Variants in TMED3 observed in about 807,000 individuals in gnomAD.
TMED3 encodes transmembrane emp24 domain-containing protein 3.
In TMED3, 9 loss-of-function variants were observed where a neutral mutation model predicts 15.0. The ratio of observed to expected loss-of-function variants is 0.60; its 90% CI spans 0.36 to 1.04. The LOEUF (loss-of-function observed/expected upper bound fraction) is 1.04. TMED3 is among the 50% of genes least tolerant of loss of function. The pLI is 0.01. For synonymous variants in TMED3, 117 were observed against 121.4 expected, an observed-to-expected ratio of 0.96 and a Z score of 0.24; for missense variants, 267 against 278.9, an observed-to-expected ratio of 0.96 and a Z score of 0.30.
intron 2 of TMED3, among the ~76,000 whole-genome samples, chr15:79,321,425 G>A (rs1595887770): frequency 6.6e-6 from 1 of 152,340 alleles, no homozygotes; most frequent in African/African-American, 2.4e-5. Context: ...GTGTGTGCAT[G>A]TGCTTACATA....
intron 2 of TMED3, among the ~76,000 whole-genome samples, chr15:79,407,691 G>T (rs929148550): frequency 6.6e-6 from 1 of 152,198 alleles, no homozygotes; most frequent in Non-Finnish European, 1.5e-5. Context: ...GCCTAGAGCT[G>T]CTTTCAGACT....
chr15:79,376,677 C>G lies in TMED3; in HGVS notation c.418-34723C>G, dbSNP rs116672248. On this transcript the variant is annotated intron_variant, in intron 2 of 2. Coordinates refer to the TMED3 transcript ENST00000424155. ...ATTAATGTCTCTAAAATAGCATTAA[C>G]CTTTTGGCAGTCTCACTGAATTGTT... is the stretch of plus-strand genomic sequence containing the variant. 8.3e-3 allele frequency among the ~76,000 whole-genome samples: 1,265 copies of G among 152,310 alleles called. 17 individuals carry two copies. Among genetic ancestry groups the G allele is most frequent in the African/African-American group, 0.029 (1,213 of 41,564 alleles).
At chr15:79,386,927 T>C (rs1020701409) in intron 2 of TMED3, among the ~76,000 whole-genome samples, 10 of 147,888 alleles carry the variant, frequency 6.8e-5, no homozygotes, top group Middle Eastern at 3.5e-3. Context: ...CTTTTTAATC[T>C]TTTAATCTTT....
At chr15:79,400,034 G>T (rs951182590) in intron 2 of TMED3, among the ~76,000 whole-genome samples, 4 of 152,164 alleles carry the variant, frequency 2.6e-5, no homozygotes, top group Non-Finnish European at 4.4e-5. Context: ...TTGTACCGGG[G>T]ATAAAGTCTA....
intron 2 of TMED3, among the ~76,000 whole-genome samples, chr15:79,356,762 C>T (rs2058920973): frequency 6.6e-6 from 1 of 152,100 alleles, no homozygotes; most frequent in South Asian, 2.1e-4. Flanking sequence ...GGAATTTATC[C>T]CACACATCTC....
At chr15:79,359,523 C>T (rs2009771) in intron 2 of TMED3, among the ~76,000 whole-genome samples, 24 of 152,232 alleles carry the variant, frequency 1.6e-4, no homozygotes, top group African/African-American at 5.1e-4. Context: ...CCACTATACC[C>T]GGCCAATTTG....
chr15:79,322,890 C>T (rs149838342), downstream of TMED3: 13 of 985,506 alleles, frequency 1.3e-5, no homozygotes, highest in African/African-American at 1.9e-4. Context: ...CCAGAGCTTA[C>T]TGCAGAGCAT....
chr15:79,322,168 G>C lies in TMED3; in HGVS notation c.608G>C (p.Ser203Thr). ...VSFSQVLLLK[S>T]FFTEKRPISR... ...TTCAGTCAGGTGCTACTGTTGAAAA[G>C]CTTCTTCACAGAAAAACGACCCATC... The change falls in exon 3 of 3, where the codon AGC becomes ACC. Residue 203 changes from serine (S) to threonine (T), a missense_variant. This residue lies in a region of TMED3 where 139 missense variants were observed against 125.0 expected (regional missense o/e 1.11). Coordinates refer to ENST00000299705, the MANE Select transcript of TMED3 (RefSeq NM_007364.4). The C allele has an allele frequency of 6.2e-7, 1 of 1,614,188 alleles. No homozygotes were observed. Among genetic ancestry groups the C allele is most frequent in the African/African-American group, 1.3e-5 (1 of 75,056 alleles).
At chr15:79,360,258 G>A (rs1407204832) in intron 2 of TMED3, among the ~76,000 whole-genome samples, 4 of 152,112 alleles carry the variant, frequency 2.6e-5, no homozygotes, top group African/African-American at 9.7e-5. Context: ...GCTGGGTGTG[G>A]GGTGGGCTCC....
chr15:79,371,144 CT>C (rs1436543830), intron 2 of TMED3, among the ~76,000 whole-genome samples: 1 of 152,148 alleles, frequency 6.6e-6, no homozygotes, highest in African/African-American at 2.4e-5. Flanking sequence ...GTAGGCCCTA[CT>C]TCAAGAAAAC....
intron 2 of TMED3, among the ~76,000 whole-genome samples, chr15:79,373,199 T>C (rs1282253961): frequency 1.3e-5 from 2 of 152,246 alleles, no homozygotes; most frequent in Non-Finnish European, 2.9e-5. Context: ...ATAAGACCAG[T>C]CATAGGCTGT....
chr15:79,364,736 G>A (rs1460668001), intron 2 of TMED3, among the ~76,000 whole-genome samples: 2 of 151,460 alleles, frequency 1.3e-5, no homozygotes, highest in African/African-American at 4.9e-5. Context: ...TGTCAGAGAG[G>A]AGTTTGGCCA....
Position 79,395,880 on chromosome 15 carries a change from C to T in TMED3, c.418-15520C>T, listed in dbSNP as rs28380142. 1.1e-4 allele frequency among the ~76,000 whole-genome samples: 16 copies of T among 152,138 alleles called. 1 individual carries two copies. The highest frequency in any genetic ancestry group is 3.6e-4 in the African/African-American group (15 of 41,414). On this transcript the variant is annotated intron_variant, in intron 2 of 2. Coordinates refer to the TMED3 transcript ENST00000424155. Reference sequence around the variant, plus strand: ...TAATTGATACTATGGCAAATAATAACATTTTGGATGGATACTTTGACTATA... The same window carrying T: ...TAATTGATACTATGGCAAATAATAATATTTTGGATGGATACTTTGACTATA...
intron 2 of TMED3, among the ~76,000 whole-genome samples, chr15:79,341,140 G>A (rs2058849844): frequency 7.4e-6 from 1 of 136,034 alleles, no homozygotes; most frequent in African/African-American, 2.8e-5. Flanking sequence ...GCTTCAGTGA[G>A]CTGCGATCAT....
chr15:79,356,966 C>T lies in TMED3; in HGVS notation c.417+42961C>T, dbSNP rs113963616. 7.8e-4 allele frequency among the ~76,000 whole-genome samples: 118 copies of T among 151,936 alleles called. 3 individuals are homozygous for T. Among genetic ancestry groups the T allele is most frequent in the South Asian group, 1.7e-3 (8 of 4,808 alleles). On this transcript the variant is annotated intron_variant, in intron 2 of 2. Transcript: ENST00000424155. Reference sequence around the variant, plus strand: ...ATAGACAAGTGTGCTTGATCTATTCCGGGAAACAAGGGAAAGCAAACTGAA... The same window carrying T: ...ATAGACAAGTGTGCTTGATCTATTCTGGGAAACAAGGGAAAGCAAACTGAA...
chr15:79,350,859 G>T (rs1460561233), intron 2 of TMED3, among the ~76,000 whole-genome samples: 1 of 152,168 alleles, frequency 6.6e-6, no homozygotes, highest in Non-Finnish European at 1.5e-5. Flanking sequence ...CTGATCTCAG[G>T]TTTTGCTGTA....
intron 2 of TMED3, among the ~76,000 whole-genome samples, chr15:79,330,397 A>T (rs2058803833): frequency 6.8e-6 from 1 of 146,294 alleles, no homozygotes; most frequent in African/African-American, 2.5e-5. Flanking sequence ...ACTACAACCT[A>T]GCTGAAAAAG....
At chr15:79,332,029 G>T (rs4299129) in intron 2 of TMED3, among the ~76,000 whole-genome samples, 27,417 of 151,824 alleles carry the variant, frequency 0.18, 2,459 homozygotes, top group Admixed American at 0.24. Context: ...CTCCAGCCTG[G>T]GTAAGAAAGC....
chr15:79,368,117 G>T (rs1349601105), intron 2 of TMED3, among the ~76,000 whole-genome samples: 1 of 152,174 alleles, frequency 6.6e-6, no homozygotes, highest in Non-Finnish European at 1.5e-5. Flanking sequence ...TTCTATAGGA[G>T]AACCAAACAT....
Sources: gnomAD v4.1 joint callset for allele counts (sites outside exome capture counted in the v4.1 genomes callset) on GRCh38, gnomAD v4.1.1 for gene constraint, gnomAD v4.1.1 regional missense constraint, MANE v1.5 for transcripts, NCBI Gene and HGNC (gene_info 2026-07-23, HGNC 2026-07-21) for gene names.